The following AUTS2 variants were observed in gnomAD, a reference collection of about 807,000 sequenced individuals.
AUTS2 encodes the protein activator of transcription and developmental regulator AUTS2, also known as autism susceptibility gene 2 protein.
Under a neutral mutation model 112.4 loss-of-function variants are expected in AUTS2, and 17 were observed. The observed-to-expected ratio is 0.15, with a 90% CI of 0.10 to 0.23. The LOEUF is 0.23. AUTS2 is among the 10% of genes least tolerant of loss of function. The pLI is 1.00. For synonymous variants in AUTS2, 751 were observed against 702.7 expected, an observed-to-expected ratio of 1.07 and a Z score of -1.09; for missense variants, 1,510 against 1,701.6, an observed-to-expected ratio of 0.89 and a Z score of 1.98.
chr7:70,789,680 AGCCCCTGGCCCGGCCGACTC>A, intron 18 of AUTS2, 48 bp from the exon 19 acceptor site: 1 of 1,534,370 alleles, frequency 6.5e-7, no homozygotes. Flanking sequence ...TTTCACCCGC[AGCCCCTGGCCCGGCCGACTC>A]GCCCCTTTCA....
chr7:70,277,713 G>C (rs1007327974), intron 4 of AUTS2, among the ~76,000 whole-genome samples: 2 of 152,100 alleles, frequency 1.3e-5, no homozygotes, highest in South Asian at 2.1e-4. Context: ...AAAAGATATT[G>C]ATAAGGAAAG....
intron 1 of AUTS2, among the ~76,000 whole-genome samples, chr7:69,802,236 T>A (rs1236537941): frequency 6.6e-6 from 1 of 152,204 alleles, no homozygotes. Flanking sequence ...AACTTAGTTT[T>A]ATGGAAAAGG....
intron 6 of AUTS2, among the ~76,000 whole-genome samples, chr7:70,729,646 T>C (rs1787250625): frequency 6.6e-6 from 1 of 152,222 alleles, no homozygotes; most frequent in South Asian, 2.1e-4. Context: ...ATTGTTTCTG[T>C]ACTGTAGGTA....
At chr7:70,539,258 G>C (rs1364430019) in intron 5 of AUTS2, among the ~76,000 whole-genome samples, 1 of 152,146 alleles carries the variant, frequency 6.6e-6, no homozygotes, top group African/African-American at 2.4e-5. Context: ...TTTGCCAGCA[G>C]AAACAGCCAT....
chr7:69,945,914 G>A (rs1190913584), intron 2 of AUTS2, among the ~76,000 whole-genome samples: 2 of 152,128 alleles, frequency 1.3e-5, no homozygotes, highest in African/African-American at 4.8e-5. Flanking sequence ...GTGGCTCACG[G>A]CAGCCTTGAC....
At chr7:69,952,874 C>G (rs1320653373) in intron 2 of AUTS2, among the ~76,000 whole-genome samples, 1 of 152,168 alleles carries the variant, frequency 6.6e-6, no homozygotes, top group Non-Finnish European at 1.5e-5. Flanking sequence ...ATTGTCCATA[C>G]AGCAGGCCAC....
intron 5 of AUTS2, among the ~76,000 whole-genome samples, chr7:70,587,316 A>AT (rs1802731884): frequency 6.6e-6 from 1 of 152,066 alleles, no homozygotes; most frequent in Non-Finnish European, 1.5e-5. Context: ...GGCTCAGGAG[A>AT]TTCTCCCATC....
chr7:70,286,224 G>T (rs1186318081), intron 4 of AUTS2, among the ~76,000 whole-genome samples: 1 of 152,184 alleles, frequency 6.6e-6, no homozygotes, highest in Admixed American at 6.5e-5. Context: ...CCTTGTGCAG[G>T]GTCTTGAAGG....
intron 1 of AUTS2, among the ~76,000 whole-genome samples, chr7:69,860,806 G>A (rs1434978332): frequency 6.6e-6 from 1 of 152,178 alleles, no homozygotes; most frequent in Non-Finnish European, 1.5e-5. Flanking sequence ...TGAGGGTACT[G>A]CTTCTTGCAA....
intron 5 of AUTS2, among the ~76,000 whole-genome samples, chr7:70,570,026 C>T (rs1801871617): frequency 6.6e-6 from 1 of 152,072 alleles, no homozygotes; most frequent in Non-Finnish European, 1.5e-5. Context: ...TTCTCAGAAA[C>T]TCATTTAGGA....
chr7:69,983,062 G>A (rs1798361732), intron 2 of AUTS2, among the ~76,000 whole-genome samples: 1 of 152,140 alleles, frequency 6.6e-6, no homozygotes, highest in African/African-American at 2.4e-5. Flanking sequence ...AACTAATGGC[G>A]TAACCAGATT....
At chr7:70,421,000 G>C (rs1043054756) in intron 4 of AUTS2, among the ~76,000 whole-genome samples, 4 of 152,144 alleles carry the variant, frequency 2.6e-5, no homozygotes, top group Non-Finnish European at 4.4e-5. Context: ...CTCTGTGCTA[G>C]AAAAATTTTC....
rs529903782 is a variant in AUTS2, at chr7:70,478,999, T to C, written c.690+43218T>C. On this transcript the variant is annotated intron_variant, in intron 5 of 18. Transcript: ENST00000342771. Reference sequence around the variant, plus strand: ...TTGATTAATATTTATTGAATTAAGATGAAAATGAAGAGAAAATTTAATTAC... The same window carrying C: ...TTGATTAATATTTATTGAATTAAGACGAAAATGAAGAGAAAATTTAATTAC... 1.4e-4 allele frequency among the ~76,000 whole-genome samples: 22 copies of C among 152,124 alleles called. No homozygotes were observed. In the South Asian group the frequency reaches 4.6e-3, roughly 32 times the overall value.
At chr7:70,338,430 G>A (rs1791093501) in intron 4 of AUTS2, among the ~76,000 whole-genome samples, 1 of 152,116 alleles carries the variant, frequency 6.6e-6, no homozygotes, top group African/African-American at 2.4e-5. Flanking sequence ...CTGTCTTTTA[G>A]GAAAATTTCA....
At chr7:70,318,807 A>T (rs894921715) in intron 4 of AUTS2, among the ~76,000 whole-genome samples, 1 of 152,196 alleles carries the variant, frequency 6.6e-6, no homozygotes, top group Non-Finnish European at 1.5e-5. Flanking sequence ...CCCACTTCTC[A>T]TTACAACATT....
At chr7:69,671,378 A>G (rs1796313745) in intron 1 of AUTS2, among the ~76,000 whole-genome samples, 1 of 152,182 alleles carries the variant, frequency 6.6e-6, no homozygotes, top group African/African-American at 2.4e-5. Context: ...ACATTGTTGG[A>G]AAGATTAAGA....
intron 2 of AUTS2, among the ~76,000 whole-genome samples, chr7:70,001,566 A>G (rs1315040553): frequency 6.6e-6 from 1 of 152,132 alleles, no homozygotes; most frequent in Non-Finnish European, 1.5e-5. Context: ...AAGGAAAATG[A>G]CCCTCTAACT....
At chr7:70,640,977 C>T (rs1805797637) in intron 5 of AUTS2, among the ~76,000 whole-genome samples, 1 of 152,192 alleles carries the variant, frequency 6.6e-6, no homozygotes, top group Non-Finnish European at 1.5e-5. Context: ...CATCATTTCT[C>T]ACCTCCCAGG....
At chr7:69,627,932 A>AT (rs1190132923) in intron 1 of AUTS2, among the ~76,000 whole-genome samples, 4 of 152,224 alleles carry the variant, frequency 2.6e-5, no homozygotes, top group African/African-American at 9.6e-5. Flanking sequence ...GGTTGTGGTT[A>AT]TGTCATTTTT....
Sources: allele counts gnomAD v4.1 joint callset (sites outside exome capture counted in the v4.1 genomes callset), GRCh38; gene constraint gnomAD v4.1.1; transcripts MANE v1.5; gene names NCBI Gene and HGNC (gene_info 2026-07-23, HGNC 2026-07-21).